PATJ: variants seen among roughly 807,000 people sequenced by gnomAD.
PATJ encodes inaD-like protein.
Under a neutral mutation model 224.9 loss-of-function variants are expected in PATJ, and 190 were observed. The observed-to-expected ratio is 0.84, with a 90% CI of 0.75 to 0.95. PATJ has a LOEUF of 0.95. PATJ is among the 40% of genes least tolerant of loss of function. The pLI, the probability that PATJ is intolerant of heterozygous loss-of-function variation, is 0.00. For missense variants in PATJ, 2,121 were observed against 2,270.3 expected, an observed-to-expected ratio of 0.93 and a Z score of 1.34; for synonymous variants, 769 against 820.3, an observed-to-expected ratio of 0.94 and a Z score of 1.07.
chr1:62,089,810 G>A (rs781354419), intron 33 of PATJ, among the ~76,000 whole-genome samples: 11 of 152,116 alleles, frequency 7.2e-5, no homozygotes, highest in Non-Finnish European at 1.3e-4. Context: ...ATATCAAAGC[G>A]AAATGGTGGA....
chr1:61,865,306 G>A (rs1410302178), intron 20 of PATJ: 3 of 147,382 alleles, frequency 2.0e-5, no homozygotes, highest in Admixed American at 7.0e-5. Context: ...CTGCAGCCTC[G>A]ACCTCCCAGG....
intron 7 of PATJ, among the ~76,000 whole-genome samples, chr1:61,786,448 ACTT>A (rs1648547082): frequency 6.6e-6 from 1 of 151,962 alleles, no homozygotes; most frequent in South Asian, 2.1e-4. Flanking sequence ...TCTCTACTGA[ACTT>A]CAGGTTTGTG....
intron 33 of PATJ, among the ~76,000 whole-genome samples, chr1:62,098,165 CT>C (rs1203483240): frequency 3.9e-5 from 6 of 152,112 alleles, no homozygotes; most frequent in African/African-American, 1.4e-4. Flanking sequence ...AGAGACCATC[CT>C]GGCTAACATG....
chr1:61,820,242 T>C (rs1317196956), intron 14 of PATJ, among the ~76,000 whole-genome samples: 1 of 152,076 alleles, frequency 6.6e-6, no homozygotes, highest in East Asian at 1.9e-4. Context: ...GGGTTTCAGT[T>C]GGCCAGGCTG....
intron 27 of PATJ, among the ~76,000 whole-genome samples, chr1:61,962,356 T>G (rs1476843424): frequency 6.6e-6 from 1 of 152,228 alleles, no homozygotes; most frequent in Non-Finnish European, 1.5e-5. Context: ...GCATGTAATT[T>G]GGAGGGGCTT....
chr1:61,819,615 G>A (rs974568946), intron 14 of PATJ, among the ~76,000 whole-genome samples: 12 of 152,112 alleles, frequency 7.9e-5, no homozygotes, highest in Non-Finnish European at 1.3e-4. Context: ...GGCAGGCGGC[G>A]GTGGGGGGGC....
chr1:61,892,236 G>GA (rs1669703676), intron 22 of PATJ, among the ~76,000 whole-genome samples: 1 of 151,812 alleles, frequency 6.6e-6, no homozygotes, highest in African/African-American at 2.4e-5. Flanking sequence ...ATTTAAGGAG[G>GA]AAAAAAAATT....
At chr1:62,030,681 C>T (rs1390440368) in intron 29 of PATJ, among the ~76,000 whole-genome samples, 1 of 152,180 alleles carries the variant, frequency 6.6e-6, no homozygotes, top group African/African-American at 2.4e-5. Flanking sequence ...CAGTCACTCT[C>T]TCCTTCTCCC....
intron 33 of PATJ, among the ~76,000 whole-genome samples, chr1:62,092,612 C>T (rs1040773713): frequency 6.6e-6 from 1 of 151,530 alleles, no homozygotes; most frequent in Non-Finnish European, 1.5e-5. Context: ...GATGGGGTTT[C>T]GCCATGTTGG....
At chr1:61,793,614 G>A (rs1233208268) in intron 9 of PATJ, among the ~76,000 whole-genome samples, 2 of 151,560 alleles carry the variant, frequency 1.3e-5, no homozygotes, top group African/African-American at 4.8e-5. Context: ...AGCTACTCGG[G>A]AGGCTGAGGT....
intron 29 of PATJ, among the ~76,000 whole-genome samples, chr1:62,019,433 A>G (rs766705811): frequency 8.7e-5 from 13 of 150,190 alleles, no homozygotes; most frequent in Non-Finnish European, 1.6e-4. Flanking sequence ...GGAGAATTGC[A>G]TCTTGAACTC....
chr1:61,825,692 G>C (rs951662277), intron 15 of PATJ, among the ~76,000 whole-genome samples: 3 of 152,024 alleles, frequency 2.0e-5, no homozygotes, highest in Non-Finnish European at 4.4e-5. Context: ...GCAGTGAGGA[G>C]GACTACCAGG....
chr1:61,984,166 T>A (rs1186432979), intron 27 of PATJ, among the ~76,000 whole-genome samples: 1 of 129,072 alleles, frequency 7.7e-6, no homozygotes, highest in African/African-American at 3.4e-5. Flanking sequence ...TTATTATTAT[T>A]TTTTTTTTTT....
chr1:61,823,181 A>G (rs1227196278), intron 15 of PATJ, 102 bp downstream of exon 15: 3 of 1,126,216 alleles, frequency 2.7e-6, no homozygotes, highest in African/African-American at 1.5e-5. Context: ...ACCAATGCCA[A>G]TGTAATATGA....
At chr1:62,150,263 C>T (rs1360368410) in intron 42 of PATJ, among the ~76,000 whole-genome samples, 7 of 152,122 alleles carry the variant, frequency 4.6e-5, no homozygotes, top group African/African-American at 1.7e-4. Flanking sequence ...ATTCTAAGGC[C>T]AGACACTTAG....
At chr1:61,855,022 A>G (rs952375524) in intron 17 of PATJ, among the ~76,000 whole-genome samples, 1 of 152,238 alleles carries the variant, frequency 6.6e-6, no homozygotes, top group African/African-American at 2.4e-5. Context: ...ACTTTTTAAA[A>G]TACAGTGGAA....
intron 29 of PATJ, among the ~76,000 whole-genome samples, chr1:62,030,822 AT>A (rs1649115293): frequency 6.6e-6 from 1 of 152,132 alleles, no homozygotes; most frequent in African/African-American, 2.4e-5. Flanking sequence ...CATTTTTGAG[AT>A]TTATCCATGT....
At chr1:62,075,140 G>A (rs1658082763) in intron 31 of PATJ, among the ~76,000 whole-genome samples, 1 of 152,114 alleles carries the variant, frequency 6.6e-6, no homozygotes, top group Non-Finnish European at 1.5e-5. Context: ...TTCTCCTTTG[G>A]GAAAGTGATT....
At chr1:61,793,364 C>T (rs1037558753) in intron 9 of PATJ, among the ~76,000 whole-genome samples, 6 of 152,184 alleles carry the variant, frequency 3.9e-5, no homozygotes, top group Middle Eastern at 3.4e-3. Context: ...AGAAGGGTTT[C>T]GATAGGTCAG....
Sources: allele counts gnomAD v4.1 joint callset (sites outside exome capture counted in the v4.1 genomes callset), GRCh38; gene constraint gnomAD v4.1.1; transcripts MANE v1.5; gene names NCBI Gene and HGNC (gene_info 2026-07-23, HGNC 2026-07-21).